LRP1B: variants seen among roughly 807,000 people sequenced by gnomAD.
The protein encoded by LRP1B is low-density lipoprotein receptor-related protein 1B.
Under a neutral mutation model 556.6 loss-of-function variants are expected in LRP1B, and 217 were observed. The ratio of observed to expected loss-of-function variants is 0.39; its 90% CI spans 0.35 to 0.44. LRP1B has a LOEUF of 0.44. Ranked by LOEUF, LRP1B falls within the 20% of genes least tolerant of loss-of-function variation. The pLI is 1.00. For synonymous variants in LRP1B, 2,047 were observed against 1,865.8 expected (o/e 1.10, Z -2.50); for missense variants, 5,053 against 5,620.8 (o/e 0.90, Z 3.23).
At chr2:141,876,014 A>G (rs1574454107) in intron 1 of LRP1B, among the ~76,000 whole-genome samples, 1 of 152,008 alleles carries the variant, frequency 6.6e-6, no homozygotes, top group East Asian at 1.9e-4. Context: ...GAAGAAGTAT[A>G]CTTTAGTATT....
chr2:141,326,509 G>A (rs1413553255), intron 3 of LRP1B, among the ~76,000 whole-genome samples: 2 of 152,094 alleles, frequency 1.3e-5, no homozygotes, highest in African/African-American at 4.8e-5. Context: ...ACTATGAAAT[G>A]GGGTGTGTAT....
At chr2:140,727,099 A>C (rs886553696) in intron 35 of LRP1B, among the ~76,000 whole-genome samples, 1 of 152,178 alleles carries the variant, frequency 6.6e-6, no homozygotes, top group Non-Finnish European at 1.5e-5. Context: ...TGTGTATATT[A>C]AATCATATTT....
intron 45 of LRP1B, 50 bp downstream of exon 45, chr2:140,540,923 T>C (rs748913908): frequency 6.3e-7 from 1 of 1,574,946 alleles, no homozygotes; most frequent in Non-Finnish European, 8.6e-7. Context: ...GTGATGTGTG[T>C]GGAATTTGGA....
chr2:141,710,323 G>C (rs546053622), intron 2 of LRP1B, among the ~76,000 whole-genome samples: 18 of 152,132 alleles, frequency 1.2e-4, no homozygotes, highest in African/African-American at 4.3e-4. Flanking sequence ...TCAGGAGGAT[G>C]AATACTGATT....
rs1375610 is a variant in LRP1B at position 142,130,807 on chromosome 2, G to C, written c.-78C>G. ...GGCCCGGCGGCGGCGGCGGCGGCAGGGGCCGCTTGGAGCCTGGAATCGAGC... is the reference window on the plus strand; with the variant it reads ...GGCCCGGCGGCGGCGGCGGCGGCAGCGGCCGCTTGGAGCCTGGAATCGAGC... On this transcript the variant is annotated 5_prime_UTR_variant, in exon 1 of 91. Transcript: ENST00000389484. 522,012 of 1,191,276 alleles carry C rather than the reference G, an allele frequency of 0.44. 117,540 individuals carry two copies. The highest frequency in any genetic ancestry group is 0.74 in the African/African-American group (48,891 of 66,246). The allele number at this position is 1,191,276 out of a possible 1,614,324, so 73.8% of individuals were successfully genotyped here.
chr2:141,312,945 T>C (rs1686869297), intron 3 of LRP1B, among the ~76,000 whole-genome samples: 1 of 152,142 alleles, frequency 6.6e-6, no homozygotes, highest in Non-Finnish European at 1.5e-5. Flanking sequence ...CCTCCCAAAG[T>C]GCTGGGATTA....
intron 2 of LRP1B, among the ~76,000 whole-genome samples, chr2:141,723,352 T>C (rs1338908699): frequency 6.7e-6 from 1 of 150,310 alleles, no homozygotes; most frequent in Admixed American, 6.6e-5. Flanking sequence ...GAGGCTTTAA[T>C]ATAATTTAAT....
chr2:140,701,998 G>A (rs1686661737), intron 39 of LRP1B, 143 bp downstream of exon 39: 2 of 1,294,960 alleles, frequency 1.5e-6, no homozygotes, highest in Non-Finnish European at 1.1e-6. Context: ...AATAGCAAGA[G>A]TACCTGCCTT....
chr2:140,850,274 A>G lies in LRP1B; in HGVS notation c.4767T>C (p.Ile1589=), dbSNP rs746135322. The part of the protein sequence containing the change: ...ARRSEIRGVD[I]DNPYFNFITA... ...TGATGAAGTTAAAGTATGGATTGTC[A>G]ATATCCACTCCTCTGATTTCAGAAC... Residue 1589 remains isoleucine (I), a synonymous_variant, in exon 29 of 91, where the codon ATT becomes ATC. Coordinates refer to ENST00000389484, the MANE Select transcript of LRP1B (RefSeq NM_018557.3). 10 of 1,613,772 alleles carry G rather than the reference A, an allele frequency of 6.2e-6. No individual in the cohort carries two copies. Among genetic ancestry groups the G allele is most frequent in the South Asian group, 1.1e-5 (1 of 91,062 alleles).
intron 81 of LRP1B, 127 bp from the exon 82 acceptor site, chr2:140,322,215 G>GGAAATTTA: frequency 1.2e-6 from 1 of 860,480 alleles, no homozygotes; most frequent in African/African-American, 1.7e-5. Flanking sequence ...AATTTCCACT[G>GGAAATTTA]ATGTGGAGTA....
intron 7 of LRP1B, among the ~76,000 whole-genome samples, chr2:141,129,234 G>A (rs916925299): frequency 1.3e-5 from 2 of 152,016 alleles, no homozygotes; most frequent in African/African-American, 4.8e-5. Context: ...AACAATCATG[G>A]AAAAGACGAC....
At chr2:141,114,697 T>C (rs1700838542) in intron 7 of LRP1B, among the ~76,000 whole-genome samples, 1 of 152,144 alleles carries the variant, frequency 6.6e-6, no homozygotes, top group Non-Finnish European at 1.5e-5. Context: ...TCTTCCCATT[T>C]AGGGCCATGG....
chr2:140,290,897 C>T (rs532334331), intron 84 of LRP1B, among the ~76,000 whole-genome samples: 4 of 152,042 alleles, frequency 2.6e-5, no homozygotes, highest in African/African-American at 9.6e-5. Flanking sequence ...GAGTCAGATC[C>T]ACAAAGCTAA....
chr2:141,933,164 T>C (rs1700549883), intron 1 of LRP1B, among the ~76,000 whole-genome samples: 1 of 152,062 alleles, frequency 6.6e-6, no homozygotes, highest in Non-Finnish European at 1.5e-5. Flanking sequence ...GATATCTTCA[T>C]AGGGGATTCT....
At chr2:141,975,457 G>A (rs1318459040) in intron 1 of LRP1B, among the ~76,000 whole-genome samples, 10 of 151,936 alleles carry the variant, frequency 6.6e-5, no homozygotes, top group Non-Finnish European at 1.2e-4. Context: ...TTCAGCAGGC[G>A]CTATCCCAGG....
At chr2:141,145,831 A>G (rs1301081834) in intron 7 of LRP1B, among the ~76,000 whole-genome samples, 1 of 150,104 alleles carries the variant, frequency 6.7e-6, no homozygotes, top group Non-Finnish European at 1.5e-5. Context: ...CTGCGCCCAG[A>G]TGGAATTGGT....
chr2:141,113,214 G>GA (rs1292785864), intron 7 of LRP1B, among the ~76,000 whole-genome samples: 1 of 151,988 alleles, frequency 6.6e-6, no homozygotes, highest in African/African-American at 2.4e-5. Flanking sequence ...TTGCTGGCAA[G>GA]AAAAAAATCT....
At chr2:141,670,980 T>C (rs1382067004) in intron 2 of LRP1B, among the ~76,000 whole-genome samples, 2 of 152,222 alleles carry the variant, frequency 1.3e-5, no homozygotes, top group African/African-American at 4.8e-5. Context: ...TAATATATAA[T>C]GGTATCATGT....
intron 1 of LRP1B, among the ~76,000 whole-genome samples, chr2:142,036,072 C>A (rs1279001992): frequency 1.3e-5 from 2 of 151,692 alleles, no homozygotes; most frequent in African/African-American, 4.8e-5. Context: ...TTAAACCTTT[C>A]TCTTCCCAGT....
Sources: gnomAD v4.1 joint callset for allele counts (sites outside exome capture counted in the v4.1 genomes callset) on GRCh38, gnomAD v4.1.1 for gene constraint, MANE v1.5 for transcripts, NCBI Gene and HGNC (gene_info 2026-07-23, HGNC 2026-07-21) for gene names.